CHODL: variants seen among roughly 807,000 people sequenced by gnomAD.
The protein encoded by CHODL is transmembrane protein MT75.
Under a neutral mutation model 34.5 loss-of-function variants are expected in CHODL, and 29 were observed. The ratio of observed to expected loss-of-function variants is 0.84; its 90% CI spans 0.63 to 1.15. The LOEUF (loss-of-function observed/expected upper bound fraction) is 1.15. Ranked by LOEUF, CHODL falls within the 50% of genes most tolerant of loss-of-function variation. CHODL has a pLI of 0.00. For synonymous variants in CHODL, 125 were observed against 116.1 expected, an observed-to-expected ratio of 1.08 and a Z score of -0.49; for missense variants, 332 against 332.5, an observed-to-expected ratio of 1.00 and a Z score of 0.01.
intron 2 of CHODL, among the ~76,000 whole-genome samples, chr21:18,211,175 C>T (rs1334164694): frequency 1.3e-5 from 2 of 151,982 alleles, no homozygotes; most frequent in African/African-American, 4.8e-5. Context: ...CACACTCACA[C>T]TCACACCCTG....
chr21:18,264,462 C>T (rs1030969453), intron 5 of CHODL, among the ~76,000 whole-genome samples: 2 of 151,744 alleles, frequency 1.3e-5, no homozygotes, highest in African/African-American at 2.4e-5. Context: ...AATAGCCAGG[C>T]GTGGTGGCGG....
At chr21:18,201,386 A>G (rs1299428407) in intron 2 of CHODL, among the ~76,000 whole-genome samples, 3 of 152,100 alleles carry the variant, frequency 2.0e-5, no homozygotes, top group African/African-American at 4.8e-5. Context: ...AGAATAGGTA[A>G]TCAAAATGTA....
intron 5 of CHODL, among the ~76,000 whole-genome samples, chr21:18,264,720 C>T (rs1450333637): frequency 6.6e-6 from 1 of 151,934 alleles, no homozygotes; most frequent in African/African-American, 2.4e-5. Context: ...ATAGCAGAAC[C>T]CTAGGCACAG....
At chr21:18,141,795 AAT>A (rs2072806873) in intron 2 of CHODL, among the ~76,000 whole-genome samples, 1 of 152,094 alleles carries the variant, frequency 6.6e-6, no homozygotes, top group African/African-American at 2.4e-5. Context: ...CAGCAGGAGA[AAT>A]AAGCCAGAGA....
chr21:18,228,003 A>C (rs2073946235), intron 2 of CHODL, among the ~76,000 whole-genome samples: 1 of 152,122 alleles, frequency 6.6e-6, no homozygotes, highest in Non-Finnish European at 1.5e-5. Flanking sequence ...GGACCACACT[A>C]ATTTTTCAGT....
intron 2 of CHODL, among the ~76,000 whole-genome samples, chr21:18,142,335 T>C (rs909228585): frequency 7.2e-5 from 11 of 152,198 alleles, no homozygotes; most frequent in African/African-American, 2.7e-4. Flanking sequence ...ATTTAAATCC[T>C]TGAGCTTTGC....
intron 1 of CHODL, among the ~76,000 whole-genome samples, chr21:18,000,181 C>T (rs1401200385): frequency 6.6e-6 from 1 of 151,974 alleles, no homozygotes; most frequent in Non-Finnish European, 1.5e-5. Flanking sequence ...TGACTGTAAT[C>T]AATATTTCTG....
chr21:17,932,920 G>C (rs533072512), intron 1 of CHODL, among the ~76,000 whole-genome samples: 25 of 152,326 alleles, frequency 1.6e-4, no homozygotes, highest in East Asian at 1.3e-3. Context: ...GTTTCTCGGA[G>C]AGGGGGATGT....
At chr21:18,260,000 T>C (rs1395663499) in intron 3 of CHODL, among the ~76,000 whole-genome samples, 200 bp from the exon 4 acceptor site, 1 of 152,220 alleles carries the variant, frequency 6.6e-6, no homozygotes, top group East Asian at 1.9e-4. Context: ...CTCCATCTTT[T>C]ATTCAAAGAG....
At chr21:17,991,137 C>A (rs1431489085) in intron 1 of CHODL, among the ~76,000 whole-genome samples, 1 of 152,028 alleles carries the variant, frequency 6.6e-6, no homozygotes, top group African/African-American at 2.4e-5. Context: ...GACAGAATTT[C>A]TTTCTTTTCC....
intron 2 of CHODL, among the ~76,000 whole-genome samples, chr21:18,134,896 C>T (rs767844207): frequency 1.3e-5 from 2 of 152,286 alleles, no homozygotes; most frequent in Non-Finnish European, 2.9e-5. Flanking sequence ...TATTGGCTTA[C>T]CTATGATGTA....
intron 1 of CHODL, among the ~76,000 whole-genome samples, chr21:17,924,925 CAAT>C (rs2063211454): frequency 1.3e-5 from 2 of 152,150 alleles, no homozygotes; most frequent in South Asian, 4.1e-4. Flanking sequence ...AGACACCAAT[CAAT>C]GATCACTCAT....
At chr21:18,049,668 T>TC (rs1461373766) in intron 2 of CHODL, among the ~76,000 whole-genome samples, 1 of 151,974 alleles carries the variant, frequency 6.6e-6, no homozygotes, top group Non-Finnish European at 1.5e-5. Flanking sequence ...TACTGTGTCC[T>TC]CACATGGCCT....
intron 1 of CHODL, among the ~76,000 whole-genome samples, chr21:17,927,537 G>A (rs2146316038): frequency 6.6e-6 from 1 of 152,290 alleles, no homozygotes; most frequent in South Asian, 2.1e-4. Context: ...GATTTTCAAG[G>A]CATAAAGGAA....
intron 2 of CHODL, among the ~76,000 whole-genome samples, chr21:18,239,666 G>T (rs1372530096): frequency 2.0e-5 from 3 of 151,892 alleles, no homozygotes; most frequent in African/African-American, 7.3e-5. Flanking sequence ...CACTTTTATA[G>T]AAAATATCTT....
intron 2 of CHODL, among the ~76,000 whole-genome samples, chr21:18,231,929 G>T (rs2073982900): frequency 6.6e-6 from 1 of 151,930 alleles, no homozygotes; most frequent in South Asian, 2.1e-4. Flanking sequence ...AAAATGATGG[G>T]GAGGGCCAGC....
intron 4 of CHODL, among the ~76,000 whole-genome samples, chr21:18,262,110 G>A (rs2074389520): frequency 6.6e-6 from 1 of 152,056 alleles, no homozygotes; most frequent in African/African-American, 2.4e-5. Flanking sequence ...CTTAATGAAA[G>A]CTAGTCCATG....
chr21:17,934,234 TAAA>T (rs58780393), intron 1 of CHODL, among the ~76,000 whole-genome samples: 12 of 140,444 alleles, frequency 8.5e-5, no homozygotes, highest in Admixed American at 6.4e-4. Context: ...TCTATAAAAA[TAAA>T]AAAAAAAAAC....
Position 17,950,537 on chromosome 21 carries a change from T to TACACACACAC in CHODL, c.-145+33137_-145+33138insACACACACAC, listed in dbSNP as rs1568813369. 3.0e-3 allele frequency among the ~76,000 whole-genome samples: 134 copies of TACACACACAC among 43,986 alleles called. 2 individuals carry two copies. The highest frequency in any genetic ancestry group is 0.011 in the African/African-American group (117 of 11,086). The allele number at this position is 43,986 out of a possible 152,430, so 28.9% of individuals were successfully genotyped here. A position where few individuals can be genotyped will look rare whatever the true frequency, so the allele number is the denominator to read the frequency against. ...ACACACACACACACACACACACACT[T>TACACACACAC]CTTTAAAGCCATCTAAGAACTGTGG... is the stretch of plus-strand genomic sequence containing the variant. On this transcript the variant is annotated intron_variant, in intron 1 of 6. Coordinates refer to the CHODL transcript ENST00000400127.
Sources: gnomAD v4.1 joint callset for allele counts (sites outside exome capture counted in the v4.1 genomes callset) on GRCh38, gnomAD v4.1.1 for gene constraint, MANE v1.5 for transcripts, NCBI Gene and HGNC (gene_info 2026-07-23, HGNC 2026-07-21) for gene names.